EPB41L4A: variants seen among roughly 807,000 people sequenced by gnomAD.
The protein encoded by EPB41L4A is erythrocyte membrane protein band 4.1 like 4A, also known as band 4.1-like protein 4A.
In EPB41L4A, 100 loss-of-function variants were observed where a neutral mutation model predicts 108.6. The observed-to-expected ratio is 0.92, with a 90% CI of 0.78 to 1.09. EPB41L4A has a LOEUF of 1.09. Among genes scored for constraint, EPB41L4A ranks in the 50% least tolerant of loss-of-function variants. EPB41L4A has a pLI of 0.00. For synonymous variants in EPB41L4A, 319 were observed against 289.0 expected (o/e 1.10, Z -1.05); for missense variants, 1,030 against 842.7 (o/e 1.22, Z -2.75).
At chr5:112,414,621 C>G (rs1004580940) in intron 1 of EPB41L4A, among the ~76,000 whole-genome samples, 43 of 152,158 alleles carry the variant, frequency 2.8e-4, no homozygotes, top group African/African-American at 9.9e-4. Flanking sequence ...AGTTCACTAT[C>G]AACCAAGAAT....
At chr5:112,214,940 A>C (rs888127849) in intron 12 of EPB41L4A, among the ~76,000 whole-genome samples, 2 of 152,174 alleles carry the variant, frequency 1.3e-5, no homozygotes, top group Admixed American at 6.5e-5. Context: ...TTGACATATA[A>C]AACAAAATTA....
chr5:112,346,016 GCA>G, intron 1 of EPB41L4A, among the ~76,000 whole-genome samples: 1 of 151,958 alleles, frequency 6.6e-6, no homozygotes, highest in South Asian at 2.1e-4. Flanking sequence ...GCAGATCAAT[GCA>G]TTAATGTAAT....
intron 8 of EPB41L4A, among the ~76,000 whole-genome samples, 172 bp from the exon 9 acceptor site, chr5:112,259,464 C>T (rs778924558): frequency 7.2e-5 from 11 of 152,162 alleles, no homozygotes; most frequent in Non-Finnish European, 1.5e-4. Flanking sequence ...ATGAAAACTC[C>T]ATTCTCATTG....
intron 1 of EPB41L4A, among the ~76,000 whole-genome samples, chr5:112,405,257 C>T (rs2112776021): frequency 6.6e-6 from 1 of 152,260 alleles, no homozygotes; most frequent in East Asian, 1.9e-4. Flanking sequence ...CTGTTGAAGG[C>T]CAGTGAGGAA....
At chr5:112,374,308 A>G (rs538305872) in intron 1 of EPB41L4A, among the ~76,000 whole-genome samples, 1 of 152,206 alleles carries the variant, frequency 6.6e-6, no homozygotes, top group Non-Finnish European at 1.5e-5. Flanking sequence ...TAATCTTCTA[A>G]GAATGAACAG....
chr5:112,239,234 C>T (rs1173975349), intron 11 of EPB41L4A, among the ~76,000 whole-genome samples: 2 of 152,170 alleles, frequency 1.3e-5, no homozygotes, highest in African/African-American at 4.8e-5. Context: ...TACATGCAGG[C>T]TTCATGTTGC....
intron 1 of EPB41L4A, among the ~76,000 whole-genome samples, chr5:112,388,324 G>C (rs1342445184): frequency 6.6e-6 from 1 of 152,180 alleles, no homozygotes; most frequent in Non-Finnish European, 1.5e-5. Flanking sequence ...GTGCGGTGAG[G>C]CAAGAGAGAA....
chr5:112,316,690 T>C (rs1038209050), intron 1 of EPB41L4A, among the ~76,000 whole-genome samples: 1 of 152,258 alleles, frequency 6.6e-6, no homozygotes, highest in African/African-American at 2.4e-5. Context: ...TCTATTGCTT[T>C]GTAACAAGTA....
chr5:112,245,106 CAAA>C (rs201980289), intron 9 of EPB41L4A, among the ~76,000 whole-genome samples: 2 of 104,050 alleles, frequency 1.9e-5, no homozygotes, highest in Admixed American at 1.0e-4. Context: ...AAGTGAAGTG[CAAA>C]AAAAAAAAAA....
chr5:112,408,893 T>C (rs2112797931), intron 1 of EPB41L4A, among the ~76,000 whole-genome samples: 1 of 152,032 alleles, frequency 6.6e-6, no homozygotes, highest in Non-Finnish European at 1.5e-5. Flanking sequence ...GATGAAGTCA[T>C]GGTGGAAAAC....
At chr5:112,212,824 T>A (rs1157940444) in intron 12 of EPB41L4A, among the ~76,000 whole-genome samples, 1 of 152,084 alleles carries the variant, frequency 6.6e-6, no homozygotes, top group African/African-American at 2.4e-5. Context: ...AGGCCCTGAG[T>A]AACTAGCTTA....
At chr5:112,293,672 G>C (rs1167313899) in intron 2 of EPB41L4A, among the ~76,000 whole-genome samples, 1 of 152,210 alleles carries the variant, frequency 6.6e-6, no homozygotes, top group Non-Finnish European at 1.5e-5. Flanking sequence ...ATCAGTCAAA[G>C]CATGCTCTGC....
intron 1 of EPB41L4A, among the ~76,000 whole-genome samples, chr5:112,312,409 G>C (rs925128489): frequency 6.6e-6 from 1 of 152,108 alleles, no homozygotes; most frequent in Non-Finnish European, 1.5e-5. Flanking sequence ...GAGGACACAA[G>C]GAAAGCATCC....
chr5:112,149,877 G>T (rs1372410794), intron 12 of EPB41L4A, among the ~76,000 whole-genome samples: 1 of 152,160 alleles, frequency 6.6e-6, no homozygotes, highest in Non-Finnish European at 1.5e-5. Flanking sequence ...TATTGCTTAG[G>T]CTTCATAGGG....
chr5:112,281,291 G>C (rs1432822023), intron 2 of EPB41L4A, among the ~76,000 whole-genome samples: 2 of 152,210 alleles, frequency 1.3e-5, no homozygotes, highest in Non-Finnish European at 2.9e-5. Context: ...GGTGGCAGGA[G>C]AATTCGGGGT....
At chr5:112,155,176 T>C (rs552378051) in intron 12 of EPB41L4A, among the ~76,000 whole-genome samples, 3 of 152,152 alleles carry the variant, frequency 2.0e-5, no homozygotes, top group South Asian at 4.1e-4. Context: ...AGAGGAATAG[T>C]TCTTCAGATT....
intron 4 of EPB41L4A, among the ~76,000 whole-genome samples, chr5:112,266,983 A>C (rs1234414327): frequency 6.6e-6 from 1 of 152,230 alleles, no homozygotes; most frequent in Non-Finnish European, 1.5e-5. Flanking sequence ...TGATAGACTC[A>C]GGGGTGAAAT....
intron 1 of EPB41L4A, among the ~76,000 whole-genome samples, chr5:112,360,931 G>A (rs1397265028): frequency 2.6e-5 from 4 of 151,892 alleles, no homozygotes; most frequent in African/African-American, 7.3e-5. Flanking sequence ...CCGCCACTCC[G>A]TCTGGGAGGT....
At chr5:112,227,148 A>T (rs1748519001) in intron 12 of EPB41L4A, among the ~76,000 whole-genome samples, 1 of 152,056 alleles carries the variant, frequency 6.6e-6, no homozygotes, top group African/African-American at 2.4e-5. Flanking sequence ...GTATGCTCTG[A>T]CTGGCCCAGT....
Sources: allele counts gnomAD v4.1 joint callset (sites outside exome capture counted in the v4.1 genomes callset), GRCh38; gene constraint gnomAD v4.1.1; transcripts MANE v1.5; gene names NCBI Gene and HGNC (gene_info 2026-07-23, HGNC 2026-07-21).